Variants in HEATR4 observed in about 807,000 individuals in gnomAD.
The protein encoded by HEATR4 is HEAT repeat-containing protein 4.
In HEATR4, 95 loss-of-function variants were observed where a neutral mutation model predicts 108.8. The observed-to-expected ratio is 0.87, with a 90% CI of 0.74 to 1.04. HEATR4 has a LOEUF of 1.04. Among genes scored for constraint, HEATR4 ranks in the 50% least tolerant of loss-of-function variants. The pLI is 0.00. For synonymous variants in HEATR4, 443 were observed against 459.4 expected (o/e 0.96, Z 0.46); for missense variants, 1,152 against 1,253.8 (o/e 0.92, Z 1.23).
intron 1 of HEATR4, chr14:73,539,714 A>T (rs550280433): frequency 8.5e-6 from 1 of 117,348 alleles, no homozygotes; most frequent in African/African-American, 2.8e-5. Flanking sequence ...CTGAAGCCCC[A>T]CAGGATGCCG....
chr14:73,505,758 GT>G (rs1490912333), intron 10 of HEATR4, among the ~76,000 whole-genome samples: 3 of 151,988 alleles, frequency 2.0e-5, no homozygotes, highest in Non-Finnish European at 4.4e-5. Flanking sequence ...ATTTAGATGG[GT>G]TTTTGGGTAG....
At chr14:73,595,377 G>A in the HEATR4 span, 1 of 1,614,244 alleles carries the variant, frequency 6.2e-7, no homozygotes, top group Non-Finnish European at 8.5e-7. Context: ...CATAACTGGA[G>A]AAGTGAGTTG....
the HEATR4 span, chr14:73,574,263 ATTTTT>A: frequency 2.8e-5 from 3 of 107,482 alleles, no homozygotes; most frequent in Admixed American, 9.8e-5. Flanking sequence ...AAATTCCAGT[ATTTTT>A]TTTTTTTTTT....
chr14:73,559,660 T>C (rs1412646265), upstream of HEATR4, among the ~76,000 whole-genome samples: 2 of 151,970 alleles, frequency 1.3e-5, no homozygotes, highest in African/African-American at 4.8e-5. Flanking sequence ...GAGAATCGCT[T>C]GGACCCAGGA....
intron 8 of HEATR4, among the ~76,000 whole-genome samples, chr14:73,508,567 G>A (rs1419870324): frequency 6.6e-6 from 1 of 151,918 alleles, no homozygotes; most frequent in Non-Finnish European, 1.5e-5. Context: ...TGGCCAACAT[G>A]GTAAAACCCC....
chr14:73,518,778 T>C (rs564359274), intron 5 of HEATR4, among the ~76,000 whole-genome samples: 3 of 152,318 alleles, frequency 2.0e-5, no homozygotes, highest in East Asian at 3.9e-4. Flanking sequence ...CCTAAACCAC[T>C]TGGTTATACC....
the HEATR4 span, among the ~76,000 whole-genome samples, chr14:73,617,804 G>T: frequency 6.6e-6 from 1 of 152,062 alleles, no homozygotes; most frequent in Non-Finnish European, 1.5e-5. Context: ...ATGGTATTAT[G>T]GTTTTGTAAA....
the HEATR4 span, among the ~76,000 whole-genome samples, chr14:73,588,770 C>T: frequency 6.6e-6 from 1 of 151,900 alleles, no homozygotes; most frequent in East Asian, 1.9e-4. Context: ...ATTTTCCATC[C>T]AATACATTTA....
chr14:73,570,195 G>T, the HEATR4 span, among the ~76,000 whole-genome samples: 3 of 151,688 alleles, frequency 2.0e-5, no homozygotes, highest in African/African-American at 7.3e-5. Context: ...AAAGAAACAG[G>T]AATGGAATGG....
chr14:73,575,455 A>G, the HEATR4 span: 3 of 1,453,308 alleles, frequency 2.1e-6, no homozygotes, highest in Non-Finnish European at 2.7e-6. Context: ...AAACAACTCC[A>G]GACTTTCTTC....
the HEATR4 span, chr14:73,596,209 C>T: frequency 1.3e-5 from 2 of 152,408 alleles, no homozygotes; most frequent in African/African-American, 4.8e-5. Flanking sequence ...CACTTCCTCT[C>T]TAAGAGCAGA....
chr14:73,505,428 G>A (rs976006174), intron 10 of HEATR4, among the ~76,000 whole-genome samples: 4 of 151,102 alleles, frequency 2.6e-5, no homozygotes, highest in East Asian at 1.9e-4. Flanking sequence ...ACAGAGTCTC[G>A]CACTGTCGCC....
At chr14:73,490,087 G>T (rs1174139274) in intron 17 of HEATR4, among the ~76,000 whole-genome samples, 1 of 152,184 alleles carries the variant, frequency 6.6e-6, no homozygotes, top group African/African-American at 2.4e-5. Flanking sequence ...CAGTCAAGTA[G>T]CCATTTCTCC....
chr14:73,572,288 A>G, the HEATR4 span, among the ~76,000 whole-genome samples: 1 of 150,826 alleles, frequency 6.6e-6, no homozygotes, highest in Non-Finnish European at 1.5e-5. Flanking sequence ...CCAGCAGTCA[A>G]AGTGATTGAA....
the HEATR4 span, chr14:73,617,085 G>A: frequency 6.5e-7 from 1 of 1,535,740 alleles, no homozygotes; most frequent in East Asian, 2.3e-5. Flanking sequence ...TGGTTTTGCT[G>A]TGCTTGCCCT....
chr14:73,484,827 C>T (rs1336323236), intron 17 of HEATR4, among the ~76,000 whole-genome samples: 1 of 148,566 alleles, frequency 6.7e-6, no homozygotes, highest in Non-Finnish European at 1.5e-5. Context: ...CACACACACA[C>T]ACACAGACAC....
chr14:73,582,803 CTG>C, the HEATR4 span: 1 of 152,102 alleles, frequency 6.6e-6, no homozygotes, highest in Non-Finnish European at 1.5e-5. Context: ...CCAGTCTCTG[CTG>C]TCTCACCCTT....
intron 17 of HEATR4, among the ~76,000 whole-genome samples, chr14:73,489,290 G>T (rs141632483): frequency 9.9e-5 from 15 of 152,254 alleles, no homozygotes; most frequent in African/African-American, 3.1e-4. Flanking sequence ...GTTGATAACT[G>T]TGTGTGTAAC....
intron 6 of HEATR4, among the ~76,000 whole-genome samples, chr14:73,513,760 G>A (rs140402958): frequency 0.022 from 2,624 of 118,924 alleles, 104 homozygotes; most frequent in African/African-American, 0.071. Flanking sequence ...AAAAAAAATG[G>A]TCTCTGCCTC....
Sources: gnomAD v4.1 joint callset for allele counts (sites outside exome capture counted in the v4.1 genomes callset) on GRCh38, gnomAD v4.1.1 for gene constraint, MANE v1.5 for transcripts, NCBI Gene and HGNC (gene_info 2026-07-23, HGNC 2026-07-21) for gene names.